Variants in CDH18 observed in about 807,000 individuals in gnomAD.
The protein encoded by CDH18 is cadherin-18.
CDH18 carries 31 observed loss-of-function variants against 67.9 expected under a neutral mutation model. The observed-to-expected ratio is 0.46, with a 90% CI of 0.34 to 0.62. The LOEUF is 0.62. Ranked by LOEUF, CDH18 falls within the 20% of genes least tolerant of loss-of-function variation. CDH18 has a pLI of 0.01. For missense variants in CDH18, 890 were observed against 975.5 expected, an observed-to-expected ratio of 0.91 and a Z score of 1.17; for synonymous variants, 362 against 347.2, an observed-to-expected ratio of 1.04 and a Z score of -0.48.
chr5:19,662,513 C>A (rs2150316856), intron 5 of CDH18, among the ~76,000 whole-genome samples: 1 of 152,122 alleles, frequency 6.6e-6, no homozygotes, highest in Non-Finnish European at 1.5e-5. Flanking sequence ...CGTAATTGTA[C>A]AGTTTATATT....
At chr5:20,088,068 T>C (rs1418518626) in intron 2 of CDH18, among the ~76,000 whole-genome samples, 2 of 152,160 alleles carry the variant, frequency 1.3e-5, no homozygotes, top group Non-Finnish European at 2.9e-5. Flanking sequence ...AATGCTACAA[T>C]TAAAAGACAA....
intron 1 of CDH18, among the ~76,000 whole-genome samples, chr5:20,507,494 A>G (rs1754729492): frequency 6.6e-6 from 1 of 152,206 alleles, no homozygotes; most frequent in South Asian, 2.1e-4. Context: ...AGTTATGGAT[A>G]TAGATTTTCA....
At chr5:20,462,082 T>A (rs1363569709) in intron 1 of CDH18, among the ~76,000 whole-genome samples, 2 of 152,220 alleles carry the variant, frequency 1.3e-5, no homozygotes, top group Admixed American at 1.3e-4. Context: ...GTTTATTATT[T>A]CATTATTTAC....
rs1794642600 is a variant in CDH18, at chr5:19,939,830, GAC to G, written c.-257+41228_-257+41229del. Among the ~76,000 whole-genome samples, 4 of 151,872 alleles carry G rather than the reference GAC, an allele frequency of 2.6e-5. No individual in the cohort carries two copies. The South Asian group carries it at 8.3e-4, about 31-fold the overall frequency. On this transcript the variant is annotated intron_variant, in intron 2 of 12. Transcript: ENST00000382275. ...ACCATAAAATTTTCATCAGTTTTTG[GAC>G]TGGAAAGACTCATCAATTTAAAGGA... is the stretch of plus-strand genomic sequence containing the variant.
chr5:19,784,708 T>G lies in CDH18; in HGVS notation c.229-37472A>C, dbSNP rs1198404959. On this transcript the variant is annotated intron_variant, in intron 3 of 12. Transcript: ENST00000382275. ...TAAAACCTAGCAAAGTAATCTTACT[T>G]CATTTTTTAGAGCTTGCAAATATTC... 3.3e-5 allele frequency among the ~76,000 whole-genome samples: 5 copies of G among 152,176 alleles called. No homozygotes were observed. The East Asian group carries it at 9.6e-4, about 29-fold the overall frequency.
At chr5:20,540,391 G>T (rs1389378317) in intron 1 of CDH18, among the ~76,000 whole-genome samples, 3 of 152,174 alleles carry the variant, frequency 2.0e-5, no homozygotes, top group Middle Eastern at 6.8e-3. Context: ...AACTGAAAAA[G>T]AACTATTGTG....
At chr5:19,945,572 A>G (rs1156504143) in intron 2 of CDH18, among the ~76,000 whole-genome samples, 1 of 152,212 alleles carries the variant, frequency 6.6e-6, no homozygotes, top group East Asian at 1.9e-4. Context: ...GTATTATTTG[A>G]CAAATATCTT....
intron 1 of CDH18, among the ~76,000 whole-genome samples, chr5:20,472,927 T>G (rs1561039297): frequency 1.3e-5 from 2 of 152,208 alleles, no homozygotes; most frequent in Non-Finnish European, 2.9e-5. Flanking sequence ...GTACATACTA[T>G]TTTAAAAGTA....
At chr5:19,770,657 A>G (rs1319569523) in intron 3 of CDH18, among the ~76,000 whole-genome samples, 1 of 151,582 alleles carries the variant, frequency 6.6e-6, no homozygotes, top group Non-Finnish European at 1.5e-5. Context: ...CAGACTGCAG[A>G]AAAAAAAAGT....
At chr5:20,031,989 A>G (rs1172061964) in intron 2 of CDH18, among the ~76,000 whole-genome samples, 1 of 152,070 alleles carries the variant, frequency 6.6e-6, no homozygotes, top group Non-Finnish European at 1.5e-5. Flanking sequence ...ATTGAGAGCC[A>G]GATTGAAAGA....
chr5:20,507,679 GTTTATT>G (rs1754741169), intron 1 of CDH18, among the ~76,000 whole-genome samples: 1 of 151,934 alleles, frequency 6.6e-6, no homozygotes, highest in Admixed American at 6.6e-5. Flanking sequence ...TAGGTTCTAT[GTTTATT>G]TTTATTTTAA....
At chr5:19,730,443 C>G (rs1489343593) in intron 4 of CDH18, among the ~76,000 whole-genome samples, 1 of 152,170 alleles carries the variant, frequency 6.6e-6, no homozygotes, top group Non-Finnish European at 1.5e-5. Flanking sequence ...ATCTCTTATG[C>G]TTGGGACCAA....
intron 1 of CDH18, among the ~76,000 whole-genome samples, chr5:20,319,264 C>G (rs1737766891): frequency 6.6e-6 from 1 of 152,256 alleles, no homozygotes; most frequent in South Asian, 2.1e-4. Context: ...TTTTACCAAC[C>G]TTCTACTATT....
intron 10 of CDH18, among the ~76,000 whole-genome samples, chr5:19,518,986 A>C (rs78822087): frequency 0.019 from 2,959 of 152,290 alleles, 46 homozygotes; most frequent in Non-Finnish European, 0.028. Flanking sequence ...ATTACAAGAC[A>C]GCCAACTGGT....
At chr5:20,145,241 A>G (rs1450089346) in intron 2 of CDH18, among the ~76,000 whole-genome samples, 1 of 152,198 alleles carries the variant, frequency 6.6e-6, no homozygotes, top group African/African-American at 2.4e-5. Context: ...CTATACATTG[A>G]TGAAGTATTC....
intron 3 of CDH18, among the ~76,000 whole-genome samples, chr5:19,827,026 G>C (rs1289781615): frequency 3.9e-5 from 6 of 152,076 alleles, no homozygotes; most frequent in Admixed American, 3.9e-4. Flanking sequence ...AAAGTAAGGG[G>C]ATGGAGAAAA....
At chr5:19,756,155 C>A (rs907864878) in intron 3 of CDH18, among the ~76,000 whole-genome samples, 3 of 152,132 alleles carry the variant, frequency 2.0e-5, no homozygotes, top group Non-Finnish European at 4.4e-5. Flanking sequence ...AACACACCAA[C>A]CCCCAACCCA....
intron 9 of CDH18, among the ~76,000 whole-genome samples, chr5:19,525,108 G>A (rs1041754577): frequency 6.6e-6 from 1 of 152,122 alleles, no homozygotes; most frequent in African/African-American, 2.4e-5. Flanking sequence ...AAGAAACTGT[G>A]TTTTCTATGA....
rs1465363037 is a variant in CDH18 at position 19,737,906 on chromosome 5, T to C, written c.523+9036A>G. 4.6e-5 allele frequency among the ~76,000 whole-genome samples: 7 copies of C among 152,140 alleles called. No homozygotes were observed. The East Asian group carries it at 1.3e-3, about 29-fold the overall frequency. ...TTTGAGATTTTTTGCTTTATTCTAT[T>C]TCCTCAGTAAGAAAGAAACAACATA... On this transcript the variant is annotated intron_variant, in intron 4 of 12. Coordinates refer to ENST00000382275, the MANE Select transcript of CDH18 (RefSeq NM_004934.5).
Sources: gnomAD v4.1 joint callset for allele counts (sites outside exome capture counted in the v4.1 genomes callset) on GRCh38, gnomAD v4.1.1 for gene constraint, MANE v1.5 for transcripts, NCBI Gene and HGNC (gene_info 2026-07-23, HGNC 2026-07-21) for gene names.